TMEM132C: variants seen among roughly 807,000 people sequenced by gnomAD.
The protein encoded by TMEM132C is protein phosphatase 1, regulatory subunit 152.
TMEM132C carries 29 observed loss-of-function variants against 61.4 expected under a neutral mutation model. That is an observed-to-expected ratio of 0.47 (90% CI 0.35 to 0.64). TMEM132C has a LOEUF of 0.64. Ranked by LOEUF, TMEM132C falls within the 30% of genes least tolerant of loss-of-function variation. TMEM132C has a pLI of 0.00. For synonymous variants in TMEM132C, 656 were observed against 633.1 expected (o/e 1.04, Z -0.54); for missense variants, 1,408 against 1,476.9 (o/e 0.95, Z 0.76).
At chr12:128,667,735 A>G (rs1171784776) in intron 4 of TMEM132C, among the ~76,000 whole-genome samples, 1 of 152,178 alleles carries the variant, frequency 6.6e-6, no homozygotes, top group Non-Finnish European at 1.5e-5. Flanking sequence ...GCCCTTTTTC[A>G]TTTTCATCTG....
At chr12:128,417,318 C>G (rs1408215454) in intron 2 of TMEM132C, among the ~76,000 whole-genome samples, 4 of 152,120 alleles carry the variant, frequency 2.6e-5, no homozygotes, top group Non-Finnish European at 5.9e-5. Flanking sequence ...GTTAATGTCC[C>G]TCTTCAGAAA....
intron 2 of TMEM132C, among the ~76,000 whole-genome samples, chr12:128,483,177 G>A (rs1020268995): frequency 1.3e-5 from 2 of 149,758 alleles, no homozygotes; most frequent in Admixed American, 1.3e-4. Context: ...CTGAGGTGGG[G>A]CGATTGCTTG....
chr12:128,566,189 C>CAAAAAAAAAAAAA (rs59258589), intron 3 of TMEM132C, among the ~76,000 whole-genome samples: 7 of 67,830 alleles, frequency 1.0e-4, no homozygotes, highest in East Asian at 4.6e-4. Flanking sequence ...CAAGCCTAAC[C>CAAAAAAAAAAAAA]AAAAAAAAAA....
At chr12:128,337,141 T>G (rs1005321811) in intron 1 of TMEM132C, among the ~76,000 whole-genome samples, 4 of 152,114 alleles carry the variant, frequency 2.6e-5, no homozygotes, top group African/African-American at 9.7e-5. Context: ...TGTGGGAGTT[T>G]CTTGTTTTCT....
At chr12:128,551,218 C>CCA (rs1874165104) in intron 3 of TMEM132C, among the ~76,000 whole-genome samples, 1 of 142,754 alleles carries the variant, frequency 7.0e-6, no homozygotes, top group African/African-American at 3.0e-5. Context: ...AGCCCCCCCC[C>CCA]TCCCGCTTCC....
intron 4 of TMEM132C, among the ~76,000 whole-genome samples, chr12:128,648,863 G>A (rs1954238440): frequency 6.6e-6 from 1 of 150,854 alleles, no homozygotes; most frequent in Admixed American, 6.6e-5. Context: ...AGCATTGGAT[G>A]AGTGTGTTTA....
At chr12:128,414,138 A>G (rs1285089518) in intron 1 of TMEM132C, among the ~76,000 whole-genome samples, 2 of 152,268 alleles carry the variant, frequency 1.3e-5, no homozygotes, top group African/African-American at 2.4e-5. Context: ...TGTAATCCCA[A>G]CACTTTAGGA....
chr12:128,488,389 G>C lies in TMEM132C; in HGVS notation c.975-55568G>C, dbSNP rs530206525. On this transcript the variant is annotated intron_variant, in intron 2 of 8. Coordinates refer to ENST00000435159, the MANE Select transcript of TMEM132C (RefSeq NM_001136103.3). ...AATATTGATATTATTGGCTAGGTGT[G>C]GTGGCTCACACCTGTAATCCCAGCA... is the stretch of plus-strand genomic sequence containing the variant. Among the ~76,000 whole-genome samples, 6 of 152,318 alleles carry C rather than the reference G, an allele frequency of 3.9e-5. No homozygotes were observed. The South Asian group carries it at 1.0e-3, about 26-fold the overall frequency.
At chr12:128,275,863 G>T (rs1870672163) in intron 1 of TMEM132C, among the ~76,000 whole-genome samples, 1 of 152,168 alleles carries the variant, frequency 6.6e-6, no homozygotes, top group African/African-American at 2.4e-5. Flanking sequence ...AAAATCATAT[G>T]TTGTCAGGGC....
At chr12:128,327,199 T>C (rs1872549262) in intron 1 of TMEM132C, among the ~76,000 whole-genome samples, 1 of 149,774 alleles carries the variant, frequency 6.7e-6, no homozygotes, top group South Asian at 2.1e-4. Flanking sequence ...AACAAGAAAA[T>C]ATCAGTTGTG....
chr12:128,645,151 C>T (rs1256765668), intron 4 of TMEM132C, among the ~76,000 whole-genome samples: 1 of 152,174 alleles, frequency 6.6e-6, no homozygotes, highest in Non-Finnish European at 1.5e-5. Context: ...GCCTGGGAAA[C>T]TAGATGTGGT....
At chr12:128,684,575 C>G (rs1453570232) in intron 5 of TMEM132C, among the ~76,000 whole-genome samples, 1 of 152,232 alleles carries the variant, frequency 6.6e-6, no homozygotes, top group East Asian at 1.9e-4. Flanking sequence ...GACAGCAGTC[C>G]TGAGCCGAGA....
chr12:128,462,130 G>C (rs1261658206), intron 2 of TMEM132C, among the ~76,000 whole-genome samples: 1 of 152,110 alleles, frequency 6.6e-6, no homozygotes, highest in Non-Finnish European at 1.5e-5. Flanking sequence ...TTTTGAGACA[G>C]AGTCTCGCTC....
intron 3 of TMEM132C, among the ~76,000 whole-genome samples, chr12:128,572,597 A>G (rs1874932579): frequency 1.3e-5 from 2 of 148,302 alleles, no homozygotes; most frequent in South Asian, 4.3e-4. Context: ...CCTGTGTCAC[A>G]TGCCCAGACC....
At chr12:128,479,908 T>C (rs759675348) in intron 2 of TMEM132C, among the ~76,000 whole-genome samples, 2 of 152,178 alleles carry the variant, frequency 1.3e-5, no homozygotes, top group Non-Finnish European at 2.9e-5. Flanking sequence ...GCCTCACACA[T>C]AAAAATGATT....
At chr12:128,346,418 A>G (rs1873161502) in intron 1 of TMEM132C, among the ~76,000 whole-genome samples, 1 of 152,276 alleles carries the variant, frequency 6.6e-6, no homozygotes, top group Non-Finnish European at 1.5e-5. Context: ...AATTTTAAAA[A>G]TAGATTTTTC....
rs568340959 is a variant in TMEM132C at position 128,392,152 on chromosome 12, G to A, written c.86-22580G>A. Among the ~76,000 whole-genome samples, 7 of 151,806 alleles carry A rather than the reference G, an allele frequency of 4.6e-5. 1 individual carries two copies. The East Asian group carries it at 7.8e-4, about 17-fold the overall frequency. On this transcript the variant is annotated intron_variant, in intron 1 of 8. Coordinates refer to ENST00000435159, the MANE Select transcript of TMEM132C (RefSeq NM_001136103.3). ...TTTCTCTATGGAGACAGGGAGCTCC[G>A]TGCTTTGAGATACCCTGGTGGGGAT...
At chr12:128,675,613 GTCTC>G (rs368718935) in intron 5 of TMEM132C, among the ~76,000 whole-genome samples, 5 of 151,944 alleles carry the variant, frequency 3.3e-5, no homozygotes, top group South Asian at 2.1e-4. Context: ...CACAGTTTCA[GTCTC>G]TCTCTCTCTT....
At chr12:128,298,793 T>C (rs1012724605) in intron 1 of TMEM132C, among the ~76,000 whole-genome samples, 5 of 152,230 alleles carry the variant, frequency 3.3e-5, no homozygotes, top group Admixed American at 3.3e-4. Flanking sequence ...GGAATGTTTT[T>C]CCCCAGTGGG....
Sources: gnomAD v4.1 joint callset for allele counts (sites outside exome capture counted in the v4.1 genomes callset) on GRCh38, gnomAD v4.1.1 for gene constraint, MANE v1.5 for transcripts, NCBI Gene and HGNC (gene_info 2026-07-23, HGNC 2026-07-21) for gene names.